The following ABTB3 variants were observed in gnomAD, a reference collection of about 807,000 sequenced individuals.
The protein encoded by ABTB3 is ankyrin repeat and BTB domain containing 3, also known as ankyrin repeat- and BTB/POZ domain-containing protein 3.
chr12:107,639,314 A>G, the ABTB3 span, among the ~76,000 whole-genome samples: 899 of 152,250 alleles, frequency 5.9e-3, 34 homozygotes, highest in Admixed American at 0.047. Context: ...CCTGGGAGCA[A>G]TGGGGAGCTA....
chr12:107,519,734 A>G, the ABTB3 span, among the ~76,000 whole-genome samples: 3 of 152,220 alleles, frequency 2.0e-5, no homozygotes, highest in African/African-American at 4.8e-5. Flanking sequence ...GAACAAAGTA[A>G]ATCAAGTAGT....
At chr12:107,320,158 G>C in the ABTB3 span, 23 of 1,342,170 alleles carry the variant, frequency 1.7e-5, no homozygotes, top group African/African-American at 3.0e-5. Flanking sequence ...CCCCTCCCGC[G>C]TCTTCCCAGC....
chr12:107,571,814 A>T, the ABTB3 span, among the ~76,000 whole-genome samples: 10 of 152,204 alleles, frequency 6.6e-5, no homozygotes, highest in Admixed American at 2.0e-4. Context: ...GCTAGCGGAG[A>T]GAGGCACAGG....
At chr12:107,532,713 G>T in the ABTB3 span, among the ~76,000 whole-genome samples, 1 of 152,102 alleles carries the variant, frequency 6.6e-6, no homozygotes, top group Non-Finnish European at 1.5e-5. Context: ...CCCCTCTGGG[G>T]CACATTATAG....
chr12:107,441,965 A>T, the ABTB3 span, among the ~76,000 whole-genome samples: 5 of 152,020 alleles, frequency 3.3e-5, no homozygotes, highest in Admixed American at 1.3e-4. Context: ...GAAAAAGGAA[A>T]AAAAAAGTGT....
the ABTB3 span, among the ~76,000 whole-genome samples, chr12:107,469,865 CTTTTCTTTCTTTCTTTCTTTCTT>C: frequency 1.1e-5 from 1 of 88,284 alleles, no homozygotes; most frequent in African/African-American, 3.8e-5. Flanking sequence ...TTCTTTCTTT[CTTTTCTTTCTTTCTTTCTTTCTT>C]TCTTTCTTTC....
At chr12:107,646,697 A>T in the ABTB3 span, among the ~76,000 whole-genome samples, 1 of 152,190 alleles carries the variant, frequency 6.6e-6, no homozygotes, top group Non-Finnish European at 1.5e-5. Flanking sequence ...GTTTATGGGT[A>T]GGGTGTACAC....
the ABTB3 span, among the ~76,000 whole-genome samples, chr12:107,588,509 G>A: frequency 2.0e-5 from 3 of 152,184 alleles, no homozygotes; most frequent in African/African-American, 7.2e-5. Context: ...TCCATTTTTT[G>A]TGTGTGTGGT....
chr12:107,643,775 A>G, the ABTB3 span, among the ~76,000 whole-genome samples: 10 of 63,764 alleles, frequency 1.6e-4, no homozygotes, highest in Middle Eastern at 8.8e-3. Context: ...TTTTTTGTTG[A>G]GAGAGAGAGA....
the ABTB3 span, among the ~76,000 whole-genome samples, chr12:107,377,457 T>C: frequency 6.9e-6 from 1 of 145,064 alleles, no homozygotes; most frequent in Non-Finnish European, 1.5e-5. Context: ...GTGTCCCATG[T>C]ATACTCCGTT....
chr12:107,387,586 C>T, the ABTB3 span, among the ~76,000 whole-genome samples: 2 of 152,220 alleles, frequency 1.3e-5, no homozygotes, highest in Non-Finnish European at 1.5e-5. Flanking sequence ...CCAGGTACTG[C>T]AAAGAAGAGG....
the ABTB3 span, among the ~76,000 whole-genome samples, chr12:107,504,857 T>G: frequency 6.6e-6 from 1 of 152,260 alleles, no homozygotes; most frequent in Non-Finnish European, 1.5e-5. Flanking sequence ...AGTCTCTCCA[T>G]TTCTTCCAGC....
At chr12:107,494,366 C>G in the ABTB3 span, among the ~76,000 whole-genome samples, 1 of 152,108 alleles carries the variant, frequency 6.6e-6, no homozygotes, top group Non-Finnish European at 1.5e-5. Context: ...CCAGATGATC[C>G]TGGGCTGAGT....
the ABTB3 span, among the ~76,000 whole-genome samples, chr12:107,351,677 C>A: frequency 6.6e-6 from 1 of 152,166 alleles, no homozygotes; most frequent in Admixed American, 6.5e-5. Flanking sequence ...TGTTAGGATG[C>A]AGCAAGAGGG....
chr12:107,648,592 A>G, the ABTB3 span, among the ~76,000 whole-genome samples: 1 of 152,284 alleles, frequency 6.6e-6, no homozygotes, highest in African/African-American at 2.4e-5. Context: ...AGTCACATGA[A>G]TAAAGAACAT....
chr12:107,619,112 A>G, the ABTB3 span, among the ~76,000 whole-genome samples: 1 of 152,192 alleles, frequency 6.6e-6, no homozygotes, highest in Non-Finnish European at 1.5e-5. Flanking sequence ...ACTGAGGAGA[A>G]GCCTCCTAAT....
the ABTB3 span, among the ~76,000 whole-genome samples, chr12:107,489,411 T>C: frequency 8.1e-4 from 123 of 152,168 alleles, 1 homozygote; most frequent in African/African-American, 2.8e-3. Flanking sequence ...TCCCAGATAC[T>C]TGGGAGGCTG....
chr12:107,517,262 T>A, the ABTB3 span, among the ~76,000 whole-genome samples: 1 of 152,228 alleles, frequency 6.6e-6, no homozygotes, highest in Non-Finnish European at 1.5e-5. Flanking sequence ...GCTGTTTTGG[T>A]TACTGTAGCC....
the ABTB3 span, among the ~76,000 whole-genome samples, chr12:107,503,002 GA>G: frequency 4.6e-5 from 7 of 152,290 alleles, no homozygotes; most frequent in Middle Eastern, 3.4e-3. Flanking sequence ...AATTACCATT[GA>G]AAAGAGTTTG....
Sources: gnomAD v4.1 joint callset for allele counts (sites outside exome capture counted in the v4.1 genomes callset) on GRCh38, gnomAD v4.1.1 for gene constraint, MANE v1.5 for transcripts, NCBI Gene and HGNC (gene_info 2026-07-23, HGNC 2026-07-21) for gene names.